The following TAOK3 variants were observed in gnomAD, a reference collection of about 807,000 sequenced individuals.
TAOK3 encodes serine/threonine-protein kinase TAO3.
In TAOK3, 40 loss-of-function variants were observed where a neutral mutation model predicts 120.4. The ratio of observed to expected loss-of-function variants is 0.33; its 90% confidence interval spans 0.26 to 0.43. TAOK3 has a LOEUF of 0.43. TAOK3 is among the 20% of genes least tolerant of loss of function. The pLI is 1.00. For missense variants in TAOK3, 821 were observed against 1,112.1 expected (o/e 0.74, Z 3.72); for synonymous variants, 355 against 387.5 (o/e 0.92, Z 0.99).
At chr12:118,286,773 G>A (rs992803128) in intron 1 of TAOK3, among the ~76,000 whole-genome samples, 1 of 152,176 alleles carries the variant, frequency 6.6e-6, no homozygotes, top group Non-Finnish European at 1.5e-5. Flanking sequence ...GCACATGCAT[G>A]TTTATAGCAG....
Position 118,230,012 on chromosome 12 carries a change from C to T in TAOK3, c.643+3662G>A, listed in dbSNP as rs867772777. On this transcript the variant is annotated intron_variant, in intron 9 of 20. Coordinates refer to ENST00000392533, the MANE Select transcript of TAOK3 (RefSeq NM_016281.4). ...AAGCATATAATAGATATTAATTAAT[C>T]TTCATAACAACCCCACAAAGTGGGT... Among the ~76,000 whole-genome samples the T allele has an allele frequency of 2.6e-5, 4 of 152,264 alleles. No individual in the cohort carries two copies. The South Asian group carries it at 8.3e-4, about 32-fold the overall frequency.
At chr12:118,206,304 A>G (rs1241796172) in intron 11 of TAOK3, among the ~76,000 whole-genome samples, 1 of 152,184 alleles carries the variant, frequency 6.6e-6, no homozygotes, top group Non-Finnish European at 1.5e-5. Flanking sequence ...TCCTTTTCCA[A>G]TGTCCTGGAC....
intron 1 of TAOK3, among the ~76,000 whole-genome samples, chr12:118,325,952 C>A (rs1015751089): frequency 6.6e-6 from 1 of 152,108 alleles, no homozygotes; most frequent in African/African-American, 2.4e-5. Flanking sequence ...AATGCTAGCA[C>A]AACAAGCGTG....
chr12:118,182,562 A>G (rs1362708401), intron 14 of TAOK3, among the ~76,000 whole-genome samples: 1 of 142,464 alleles, frequency 7.0e-6, no homozygotes, highest in East Asian at 2.1e-4. Flanking sequence ...GAACTACTAC[A>G]CTGGTTTGTT....
chr12:118,287,046 A>G (rs933611623), intron 1 of TAOK3, among the ~76,000 whole-genome samples: 4 of 152,024 alleles, frequency 2.6e-5, no homozygotes, highest in Non-Finnish European at 4.4e-5. Flanking sequence ...GAATGACACA[A>G]TGGACTTTGG....
rs145926031 is a variant in TAOK3 at position 118,186,053 on chromosome 12, G to A, written c.1329+3754C>T. ...ATTTTTAGGTATCAAATTCATTCAC[G>A]TATCCAATTTCACAATTAGCTGAAT... is the stretch of plus-strand genomic sequence containing the variant. On this transcript the variant is annotated intron_variant, in intron 14 of 20. Coordinates refer to ENST00000392533, the MANE Select transcript of TAOK3 (RefSeq NM_016281.4). Among the ~76,000 whole-genome samples, 1,080 of 152,220 alleles carry A rather than the reference G, an allele frequency of 7.1e-3. 15 individuals are homozygous for A. The highest frequency in any genetic ancestry group is 0.024 in the African/African-American group (1,007 of 41,548).
At chr12:118,177,424 G>T in intron 15 of TAOK3, 95 bp from the exon 16 acceptor site, 1 of 859,686 alleles carries the variant, frequency 1.2e-6, no homozygotes, top group South Asian at 2.4e-5. Context: ...GTCCATGAGT[G>T]CTAATAATGA....
chr12:118,204,999 G>A (rs954705563), intron 11 of TAOK3, among the ~76,000 whole-genome samples: 5 of 151,866 alleles, frequency 3.3e-5, no homozygotes, highest in South Asian at 4.2e-4. Flanking sequence ...ATGAAACTCC[G>A]TCTCTACTAA....
chr12:118,333,754 G>A (rs1267753692), intron 1 of TAOK3, among the ~76,000 whole-genome samples: 1 of 151,050 alleles, frequency 6.6e-6, no homozygotes, highest in Admixed American at 6.6e-5. Context: ...ACAAAAATAA[G>A]GACAAAGGTA....
At chr12:118,276,853 A>G (rs929235763) in intron 1 of TAOK3, among the ~76,000 whole-genome samples, 1 of 152,010 alleles carries the variant, frequency 6.6e-6, no homozygotes, top group Non-Finnish European at 1.5e-5. Flanking sequence ...AAAAATACAA[A>G]AATTACCTGG....
chr12:118,192,779 C>T (rs1565927289), intron 13 of TAOK3, among the ~76,000 whole-genome samples: 3 of 152,128 alleles, frequency 2.0e-5, no homozygotes. Context: ...CTGCACACAT[C>T]TTAAGATTAA....
intron 1 of TAOK3, among the ~76,000 whole-genome samples, chr12:118,369,329 C>A (rs58401336): frequency 2.0e-5 from 3 of 152,156 alleles, no homozygotes; most frequent in African/African-American, 7.2e-5. Flanking sequence ...CCTAACCCCC[C>A]AGGGAATGAA....
intron 1 of TAOK3, among the ~76,000 whole-genome samples, chr12:118,352,896 G>C (rs747866138): frequency 1.3e-5 from 2 of 152,094 alleles, no homozygotes; most frequent in Non-Finnish European, 2.9e-5. Context: ...TTTTAGTAGA[G>C]ACAAGGTTTC....
chr12:118,263,831 G>A (rs1453695691), intron 2 of TAOK3, among the ~76,000 whole-genome samples: 1 of 151,982 alleles, frequency 6.6e-6, no homozygotes, highest in East Asian at 1.9e-4. Context: ...TTTGGGAGGC[G>A]GAGGTGGGTG....
At chr12:118,267,328 G>C (rs1809948520) in intron 1 of TAOK3, among the ~76,000 whole-genome samples, 1 of 151,700 alleles carries the variant, frequency 6.6e-6, no homozygotes, top group Non-Finnish European at 1.5e-5. Context: ...CAATTCTCCT[G>C]CCTCAGCCTC....
At chr12:118,285,632 C>T (rs967145141) in intron 1 of TAOK3, among the ~76,000 whole-genome samples, 5 of 152,326 alleles carry the variant, frequency 3.3e-5, no homozygotes, top group East Asian at 3.9e-4. Flanking sequence ...GGATTACAGG[C>T]GTGAGCCACC....
At chr12:118,257,144 A>C (rs1229436673) in intron 2 of TAOK3, among the ~76,000 whole-genome samples, 3 of 152,210 alleles carry the variant, frequency 2.0e-5, no homozygotes, top group Admixed American at 2.0e-4. Flanking sequence ...GAAAGCCAGT[A>C]TTTGTCAGGA....
At chr12:118,194,527 C>T (rs567036297) in intron 13 of TAOK3, among the ~76,000 whole-genome samples, 33 of 152,052 alleles carry the variant, frequency 2.2e-4, no homozygotes, top group South Asian at 1.9e-3. Context: ...AAAGGACCCA[C>T]CCCTCTATTC....
At chr12:118,158,981 A>C (rs1264336521) in intron 19 of TAOK3, among the ~76,000 whole-genome samples, 6 of 152,098 alleles carry the variant, frequency 3.9e-5, no homozygotes, top group African/African-American at 1.2e-4. Flanking sequence ...CTATTTGGTA[A>C]ACTATTACTC....
Sources: allele counts gnomAD v4.1 joint callset (sites outside exome capture counted in the v4.1 genomes callset), GRCh38; gene constraint gnomAD v4.1.1; transcripts MANE v1.5; gene names NCBI Gene and HGNC (gene_info 2026-07-23, HGNC 2026-07-21).